The following ANKS1A variants were observed in gnomAD, a reference collection of about 807,000 sequenced individuals.
ANKS1A encodes the protein ankyrin repeat and sterile alpha motif domain containing 1A.
ANKS1A carries 55 observed loss-of-function variants against 120.3 expected under a neutral mutation model. That is an observed-to-expected ratio of 0.46 (90% CI 0.37 to 0.57). The LOEUF is 0.57. ANKS1A is among the 20% of genes least tolerant of loss of function. The probability of loss-of-function intolerance (pLI) is 0.00; values close to 1 mark genes in which losing one functional copy is unlikely to be tolerated. For synonymous variants in ANKS1A, 590 were observed against 604.7 expected, an observed-to-expected ratio of 0.98 and a Z score of 0.36; for missense variants, 1,123 against 1,480.3, an observed-to-expected ratio of 0.76 and a Z score of 3.96.
At chr6:34,938,861 G>T (rs1039908675) in intron 1 of ANKS1A, among the ~76,000 whole-genome samples, 3 of 152,320 alleles carry the variant, frequency 2.0e-5, no homozygotes, top group Non-Finnish European at 4.4e-5. Flanking sequence ...GGTGGCGCAC[G>T]CCTGTAATCC....
In ANKS1A at chr6:34,982,927, A is replaced by C; in HGVS notation, c.808+100A>C. 7.0e-7 allele frequency: 1 copy of C among 1,426,394 alleles called. No individual in the cohort carries two copies. 88.4% of individuals were successfully genotyped at this position (1,426,394 alleles called of 1,614,324 possible). A position where few individuals can be genotyped will look rare whatever the true frequency, so the allele number is the denominator to read the frequency against. ...ATTTTTGCTGGCTGTGTTTGAACTCAATGTATGTGTATCTCCACTGGTTGA... is the reference window on the plus strand; with the variant it reads ...ATTTTTGCTGGCTGTGTTTGAACTCCATGTATGTGTATCTCCACTGGTTGA... On this transcript the variant is annotated intron_variant, in intron 5 of 23. Transcript: ENST00000360359. This position sits in a 1 kb window ranked among gnomAD's most constrained non-coding sequence, Gnocchi z 4.9.
intron 11 of ANKS1A, among the ~76,000 whole-genome samples, chr6:35,027,533 T>A (rs1278530490): frequency 3.9e-5 from 6 of 152,178 alleles, no homozygotes; most frequent in African/African-American, 1.4e-4. Flanking sequence ...AGAGATATGC[T>A]GTGTGGTCAG....
chr6:34,899,159 G>A (rs79488136), intron 1 of ANKS1A, among the ~76,000 whole-genome samples: 1 of 152,154 alleles, frequency 6.6e-6, no homozygotes, highest in Non-Finnish European at 1.5e-5. Flanking sequence ...GGGTCCTTCT[G>A]ACTGGGAAGT....
intron 10 of ANKS1A, among the ~76,000 whole-genome samples, chr6:35,000,632 C>T (rs949031535): frequency 1.3e-5 from 2 of 152,006 alleles, no homozygotes; most frequent in Non-Finnish European, 2.9e-5. Flanking sequence ...GAAGAATTAT[C>T]TGTGAAAGTC....
At chr6:34,970,974 C>T (rs1466033496) in intron 3 of ANKS1A, among the ~76,000 whole-genome samples, 2 of 152,220 alleles carry the variant, frequency 1.3e-5, no homozygotes, top group African/African-American at 2.4e-5. Flanking sequence ...TGCCACTGCA[C>T]TGCAGCCTGG....
intron 1 of ANKS1A, among the ~76,000 whole-genome samples, chr6:34,898,281 A>G (rs967811593): frequency 1.3e-4 from 20 of 152,316 alleles, no homozygotes; most frequent in African/African-American, 3.9e-4. Context: ...AAAAAGCCTG[A>G]AAATTGGCAA....
rs1183117726 is a variant in ANKS1A, at chr6:35,086,291, C to T, written c.3303+355C>T. 11 of 1,317,734 alleles carry T rather than the reference C, an allele frequency of 8.3e-6. No homozygotes were observed. Among genetic ancestry groups the T allele is most frequent in the Admixed American group, 6.8e-5 (3 of 44,302 alleles). 81.6% of individuals were successfully genotyped at this position (1,317,734 alleles called of 1,614,324 possible). ...CCAGGTGCCGCTGCCCCCCGATAGT[C>T]GCTGTTGTTACTGTCACACCTGCAC... On this transcript the variant is annotated intron_variant, in intron 22 of 23. Transcript: ENST00000360359. The surrounding 1 kb of genome is among the most constrained non-coding windows in gnomAD (Gnocchi z 5.1).
rs1210599892 is a variant in ANKS1A, at chr6:35,084,597, G to T, written c.3132+339G>T. Among the ~76,000 whole-genome samples, 1 of 151,766 alleles carries T rather than the reference G, an allele frequency of 6.6e-6. No homozygotes were observed. Among genetic ancestry groups the T allele is most frequent in the East Asian group, 1.9e-4 (1 of 5,148 alleles). On this transcript the variant is annotated intron_variant, in intron 21 of 23. Coordinates refer to ENST00000360359, the MANE Select transcript of ANKS1A (RefSeq NM_015245.3). This position sits in a 1 kb window ranked among gnomAD's most constrained non-coding sequence, Gnocchi z 4.8. Reference sequence around the variant, plus strand: ...CCCACCTCAGCCTCCCACGTAACTGGATAATAGGCGTGAGCCACCGCCCCT... The same window carrying T: ...CCCACCTCAGCCTCCCACGTAACTGTATAATAGGCGTGAGCCACCGCCCCT...
At chr6:35,021,449 T>TCTCCA (rs1774335699) in intron 11 of ANKS1A, among the ~76,000 whole-genome samples, 5 of 152,112 alleles carry the variant, frequency 3.3e-5, no homozygotes, top group Non-Finnish European at 5.9e-5. Flanking sequence ...CCCCAGCTCC[T>TCTCCA]CCATCTCCAC....
intron 12 of ANKS1A, among the ~76,000 whole-genome samples, chr6:35,059,305 G>A (rs1002520605): frequency 3.3e-5 from 5 of 152,228 alleles, no homozygotes; most frequent in African/African-American, 1.2e-4. Flanking sequence ...CACTGGCCGC[G>A]CAGCCCGGCG....
chr6:34,906,314 G>A (rs945169308), intron 1 of ANKS1A, among the ~76,000 whole-genome samples: 16 of 152,158 alleles, frequency 1.1e-4, no homozygotes, highest in African/African-American at 3.9e-4. Context: ...TTACATGCCT[G>A]GTGCGAAAGG....
At chr6:34,959,671 C>T (rs1252881239) in intron 1 of ANKS1A, among the ~76,000 whole-genome samples, 2 of 152,170 alleles carry the variant, frequency 1.3e-5, no homozygotes, top group Non-Finnish European at 2.9e-5. Flanking sequence ...ACTTTCTGTG[C>T]TTGACAGAAT....
rs9462045 is a variant in ANKS1A at position 35,041,608 on chromosome 6, G to T, written c.2011-12491G>T. Among the ~76,000 whole-genome samples, 510 of 152,248 alleles carry T rather than the reference G, an allele frequency of 3.3e-3. 3 individuals are homozygous for T. Among genetic ancestry groups the T allele is most frequent in the African/African-American group, 0.012 (482 of 41,536 alleles). On this transcript the variant is annotated intron_variant, in intron 11 of 23. Transcript: ENST00000360359. ...CTCTTCACTGGCCTGTTTTGAAAAG[G>T]CTGTGTTCTTCCTAGTAATCCCATG... is the stretch of plus-strand genomic sequence containing the variant.
chr6:35,082,568 A>C lies in ANKS1A; in HGVS notation c.2710-123A>C. 1.5e-6 allele frequency: 2 copies of C among 1,298,924 alleles called. No homozygotes were observed. Among genetic ancestry groups the C allele is most frequent in the Non-Finnish European group, 2.1e-6 (2 of 969,030 alleles). The allele number at this position is 1,298,924 out of a possible 1,614,324, so 80.5% of individuals were successfully genotyped here. A position where few individuals can be genotyped will look rare whatever the true frequency, so the allele number is the denominator to read the frequency against. On this transcript the variant is annotated intron_variant, in intron 17 of 23. Coordinates refer to ENST00000360359, the MANE Select transcript of ANKS1A (RefSeq NM_015245.3). This position sits in a 1 kb window ranked among gnomAD's most constrained non-coding sequence, Gnocchi z 4.1. ...TGCTGGTCTGCCCCCTGCCATCTCC[A>C]CTCGACCCTTGAACTTGCTAAGGTC...
chr6:34,978,997 G>A (rs1190900817), intron 3 of ANKS1A, among the ~76,000 whole-genome samples: 11 of 151,432 alleles, frequency 7.3e-5, no homozygotes, highest in South Asian at 2.1e-4. Context: ...CTGGGTTCAC[G>A]CCATTCTCTT....
Position 34,981,796 on chromosome 6 carries a change from A to C in ANKS1A, c.542A>C (p.Lys181Thr), listed in dbSNP as rs1320838519. 2 of 1,614,144 alleles carry C rather than the reference A, an allele frequency of 1.2e-6. No individual in the cohort carries two copies. Among genetic ancestry groups the C allele is most frequent in the Non-Finnish European group, 1.7e-6 (2 of 1,180,018 alleles). Reference sequence around the variant, plus strand: ...ACGGACCCCACCATGCGCAACAACAAATTCGAGACCCCTTTGGACCTGGCA... The same window carrying C: ...ACGGACCCCACCATGCGCAACAACACATTCGAGACCCCTTTGGACCTGGCA... ...ELTDPTMRNN[K>T]FETPLDLAAL... The change falls in exon 4 of 24, where the codon AAA becomes ACA. Residue 181 changes from lysine (K) to threonine (T), a missense_variant. By Grantham distance (78) the Lys-to-Thr change is moderately conservative. Around this residue, in one of 3 missense-constraint regions of ANKS1A, gnomAD observed 146 missense variants for 267.8 expected, o/e 0.55. Transcript: ENST00000360359.
At chr6:35,081,371 C>T (rs1777668627) in intron 17 of ANKS1A, among the ~76,000 whole-genome samples, 1 of 152,234 alleles carries the variant, frequency 6.6e-6, no homozygotes, top group African/African-American at 2.4e-5. Flanking sequence ...GCACAACTCA[C>T]TTTAGCTGTC....
chr6:34,918,443 T>G (rs1177453377), intron 1 of ANKS1A, among the ~76,000 whole-genome samples: 1 of 152,232 alleles, frequency 6.6e-6, no homozygotes, highest in Non-Finnish European at 1.5e-5. Flanking sequence ...AAACAGCACC[T>G]GGCACGTGGT....
At chr6:35,059,926 C>T (rs910929671) in intron 12 of ANKS1A, among the ~76,000 whole-genome samples, 6 of 152,104 alleles carry the variant, frequency 3.9e-5, no homozygotes, top group Admixed American at 6.5e-5. Flanking sequence ...AGCAGCCGCC[C>T]GAGGCTGGGC....
Sources: allele counts gnomAD v4.1 joint callset (sites outside exome capture counted in the v4.1 genomes callset), GRCh38; gene constraint gnomAD v4.1.1; regional missense constraint gnomAD v4.1.1; non-coding constraint Gnocchi (gnomAD v3.1); transcripts MANE v1.5; gene names NCBI Gene and HGNC (gene_info 2026-07-23, HGNC 2026-07-21).